PLCH1: variants seen among roughly 807,000 people sequenced by gnomAD.
PLCH1 encodes the protein 1-phosphatidylinositol 4,5-bisphosphate phosphodiesterase eta-1.
A neutral mutation model predicts 126.7 loss-of-function variants in PLCH1; 60 were observed. The observed-to-expected ratio is 0.47, with a 90% CI of 0.38 to 0.59. The LOEUF (loss-of-function observed/expected upper bound fraction) is 0.59. Ranked by LOEUF, PLCH1 falls within the 20% of genes least tolerant of loss-of-function variation. The pLI is 0.00. For synonymous variants in PLCH1, 719 were observed against 734.9 expected (o/e 0.98, Z 0.35); for missense variants, 1,723 against 2,040.0 (o/e 0.84, Z 2.99).
At chr3:155,466,972 C>T (rs1712950785) in intron 21 of PLCH1, among the ~76,000 whole-genome samples, 1 of 151,846 alleles carries the variant, frequency 6.6e-6, no homozygotes, top group African/African-American at 2.4e-5. Context: ...TTATAAAAAA[C>T]AATGAAGAAT....
At chr3:155,730,522 C>A (rs1278139063) in intron 1 of PLCH1, among the ~76,000 whole-genome samples, 1 of 152,108 alleles carries the variant, frequency 6.6e-6, no homozygotes, top group African/African-American at 2.4e-5. Context: ...ATTGGGTGAC[C>A]CACCCACCTT....
chr3:155,543,089 C>T (rs1277263023), intron 10 of PLCH1, among the ~76,000 whole-genome samples: 3 of 152,098 alleles, frequency 2.0e-5, no homozygotes, highest in Admixed American at 2.0e-4. Flanking sequence ...CAAACTACTC[C>T]AAGCTACAGG....
intron 14 of PLCH1, among the ~76,000 whole-genome samples, chr3:155,497,633 C>T (rs965937518): frequency 1.4e-4 from 21 of 152,316 alleles, no homozygotes; most frequent in Non-Finnish European, 2.8e-4. Flanking sequence ...TCCTCACTTT[C>T]CCTTTCCAGA....
Position 155,608,940 on chromosome 3 carries a change from T to A in PLCH1, c.80-12562A>T, listed in dbSNP as rs144123660. 1.0e-3 allele frequency among the ~76,000 whole-genome samples: 154 copies of A among 152,156 alleles called. 1 individual carries two copies. The highest frequency in any genetic ancestry group is 3.4e-3 in the African/African-American group (142 of 41,502). On this transcript the variant is annotated intron_variant, in intron 2 of 22. Coordinates refer to ENST00000460012, the MANE Select transcript of PLCH1 (RefSeq NM_014996.4). Reference sequence around the variant, plus strand: ...ACCTCCTGACTGGAGGTCAACCAACTCAAGCAATTACAGCAACTCAAGACA... The same window carrying A: ...ACCTCCTGACTGGAGGTCAACCAACACAAGCAATTACAGCAACTCAAGACA...
intron 2 of PLCH1, among the ~76,000 whole-genome samples, chr3:155,624,902 T>A (rs559139355): frequency 3.8e-4 from 58 of 152,118 alleles, no homozygotes; most frequent in African/African-American, 1.3e-3. Context: ...ACCTTAAATT[T>A]CATATGGAAC....
At chr3:155,627,808 C>A (rs1297830913) in intron 2 of PLCH1, among the ~76,000 whole-genome samples, 2 of 150,626 alleles carry the variant, frequency 1.3e-5, no homozygotes, top group East Asian at 3.9e-4. Flanking sequence ...CACTCCATCG[C>A]CCAGGCTGGA....
intron 21 of PLCH1, among the ~76,000 whole-genome samples, chr3:155,460,827 TAG>T (rs1712695160): frequency 6.6e-6 from 1 of 151,532 alleles, no homozygotes; most frequent in African/African-American, 2.4e-5. Context: ...GATAGATAGA[TAG>T]ATAGATAGAT....
At chr3:155,651,024 C>T (rs1486341681) in intron 2 of PLCH1, among the ~76,000 whole-genome samples, 3 of 150,792 alleles carry the variant, frequency 2.0e-5, no homozygotes, top group Middle Eastern at 6.8e-3. Context: ...GGCAACAGAG[C>T]GAGACTCCGT....
chr3:155,602,027 C>T (rs1284288004), intron 2 of PLCH1, among the ~76,000 whole-genome samples: 2 of 151,936 alleles, frequency 1.3e-5, no homozygotes, highest in African/African-American at 4.8e-5. Flanking sequence ...CTTATCTTTT[C>T]CTTCCTCCAG....
At chr3:155,555,890 A>T (rs866801527) in intron 8 of PLCH1, among the ~76,000 whole-genome samples, 15 of 152,336 alleles carry the variant, frequency 9.8e-5, no homozygotes, top group South Asian at 2.1e-4. Flanking sequence ...AATATAAATA[A>T]GTGCAGCGGC....
chr3:155,481,776 T>C lies in PLCH1; in HGVS notation c.4250A>G (p.Gln1417Arg). 6.2e-7 allele frequency: 1 copy of C among 1,614,112 alleles called. No individual in the cohort carries two copies. The change falls in exon 23 of 23, where the codon CAA becomes CGA. Residue 1417 changes from glutamine (Q) to arginine (R), a missense_variant. This residue lies in a region of PLCH1 where 947 missense variants were observed against 977.1 expected (regional missense o/e 0.97). Coordinates refer to ENST00000460012, the MANE Select transcript of PLCH1 (RefSeq NM_014996.4). This position sits in a 1 kb window ranked among gnomAD's most constrained non-coding sequence, Gnocchi z 4.2. The part of the protein sequence containing the change: ...PSVPEIFNNI[Q>R]DVKTQSISYL... Reference sequence around the variant, plus strand: ...AGAAATACTTTGAGTTTTGACATCTTGAATATTGTTGAATATTTCAGGGAC... The same window carrying C: ...AGAAATACTTTGAGTTTTGACATCTCGAATATTGTTGAATATTTCAGGGAC...
intron 6 of PLCH1, among the ~76,000 whole-genome samples, chr3:155,573,224 A>G (rs1208745160): frequency 6.6e-6 from 1 of 152,186 alleles, no homozygotes; most frequent in Admixed American, 6.5e-5. Context: ...TTCCTCAAAC[A>G]TTGGTAAGCC....
At chr3:155,468,411 T>C (rs562406881) in intron 21 of PLCH1, among the ~76,000 whole-genome samples, 1 of 152,250 alleles carries the variant, frequency 6.6e-6, no homozygotes, top group East Asian at 1.9e-4. Flanking sequence ...AAAAATGACA[T>C]TGAATGTACT....
intron 4 of PLCH1, 108 bp downstream of exon 4, chr3:155,593,833 G>C: frequency 3.4e-6 from 4 of 1,173,872 alleles, no homozygotes; most frequent in Non-Finnish European, 4.8e-6. Context: ...AAAGAGAAAG[G>C]AAAATTATGG....
intron 2 of PLCH1, among the ~76,000 whole-genome samples, chr3:155,682,159 T>G (rs2109017405): frequency 6.6e-6 from 1 of 152,334 alleles, no homozygotes; most frequent in East Asian, 1.9e-4. Context: ...TGCTTTCAGT[T>G]TTTATTTACA....
Position 155,481,620 on chromosome 3 carries a change from G to A in PLCH1, c.4406C>T (p.Ala1469Val). 1 of 1,614,156 alleles carries A rather than the reference G, an allele frequency of 6.2e-7. No individual in the cohort carries two copies. ...DMHVPVPKQL[A>V]HLPLPALKLP... ...TTTCAGAGCAGGCAAAGGAAGATGT[G>A]CCAACTGCTTGGGTACAGGGACATG... The change falls in exon 23 of 23, where the codon GCA becomes GTA. Residue 1469 changes from alanine (A) to valine (V), a missense_variant. Transcript: ENST00000460012. The surrounding 1 kb of genome is among the most constrained non-coding windows in gnomAD (Gnocchi z 4.2).
chr3:155,715,952 A>C (rs987432674), intron 1 of PLCH1, among the ~76,000 whole-genome samples: 1 of 152,018 alleles, frequency 6.6e-6, no homozygotes, highest in African/African-American at 2.4e-5. Context: ...CTAACCTTCT[A>C]ATTTCAACGT....
chr3:155,488,226 G>A (rs1481081244), intron 20 of PLCH1, 119 bp from the exon 21 acceptor site: 1 of 638,268 alleles, frequency 1.6e-6, no homozygotes. Flanking sequence ...GAGACAGAGT[G>A]TTGCTCTGTT....
intron 2 of PLCH1, among the ~76,000 whole-genome samples, chr3:155,679,244 AT>A (rs1265320772): frequency 2.0e-5 from 3 of 151,962 alleles, no homozygotes; most frequent in South Asian, 2.1e-4. Flanking sequence ...TATTTTCTGT[AT>A]TTTTTTCCTG....
Sources: gnomAD v4.1 joint callset for allele counts (sites outside exome capture counted in the v4.1 genomes callset) on GRCh38, gnomAD v4.1.1 for gene constraint, gnomAD v4.1.1 regional missense constraint, Gnocchi (gnomAD v3.1) non-coding constraint, MANE v1.5 for transcripts, NCBI Gene and HGNC (gene_info 2026-07-23, HGNC 2026-07-21) for gene names.